The following MED13 variants were observed in gnomAD, a reference collection of about 807,000 sequenced individuals.
MED13 encodes the protein mediator complex subunit 13.
MED13 carries 23 observed loss-of-function variants against 225.2 expected under a neutral mutation model. The observed-to-expected ratio is 0.10, with a 90% CI of 0.07 to 0.14. MED13 has a LOEUF of 0.14. Ranked by LOEUF, MED13 falls within the 10% of genes least tolerant of loss-of-function variation. The pLI is 1.00. For missense variants in MED13, 2,197 were observed against 2,594.5 expected, an observed-to-expected ratio of 0.85 and a Z score of 3.33; for synonymous variants, 942 against 889.2, an observed-to-expected ratio of 1.06 and a Z score of -1.06.
chr17:61,949,163 C>A (rs535149405), intron 28 of MED13, among the ~76,000 whole-genome samples: 2 of 151,724 alleles, frequency 1.3e-5, no homozygotes, highest in South Asian at 2.1e-4. Flanking sequence ...TAATATAATT[C>A]TGTATAGGGC....
intron 3 of MED13, among the ~76,000 whole-genome samples, chr17:62,043,156 CAAAAAAAAAAAAAAAA>C (rs764530614): frequency 2.2e-4 from 7 of 31,664 alleles, no homozygotes; most frequent in Admixed American, 5.9e-4. Flanking sequence ...ACCCTGTCTC[CAAAAAAAAAAAAAAAA>C]AAAAAAAAAA....
intron 27 of MED13, 77 bp from the exon 28 acceptor site, chr17:61,951,075 T>C (rs1440176442): frequency 1.8e-6 from 2 of 1,117,846 alleles, no homozygotes; most frequent in Non-Finnish European, 1.3e-6. Flanking sequence ...GAATGGCTCA[T>C]AGCAATCAGT....
chr17:61,982,073 TAA>T, intron 16 of MED13, 123 bp downstream of exon 16: 1 of 833,130 alleles, frequency 1.2e-6, no homozygotes, highest in Non-Finnish European at 1.8e-6. Flanking sequence ...ACATCATCCA[TAA>T]AGAGTTTTAA....
At chr17:61,981,938 T>C (rs1192266371) in intron 16 of MED13, among the ~76,000 whole-genome samples, 1 of 152,242 alleles carries the variant, frequency 6.6e-6, no homozygotes, top group Non-Finnish European at 1.5e-5. Flanking sequence ...CTAGCAATGT[T>C]ATGCTAATAA....
intron 9 of MED13, among the ~76,000 whole-genome samples, chr17:62,002,245 T>G (rs2080401797): frequency 6.6e-6 from 1 of 152,042 alleles, no homozygotes; most frequent in South Asian, 2.1e-4. Context: ...ATCCCAGCAC[T>G]TTGGGAGGCT....
chr17:62,050,085 G>A (rs2143750669), intron 3 of MED13, among the ~76,000 whole-genome samples: 1 of 152,226 alleles, frequency 6.6e-6, no homozygotes, highest in Non-Finnish European at 1.5e-5. Flanking sequence ...GAAGCCAGGT[G>A]CAGCGGCTCA....
chr17:62,045,801 C>CT (rs1434179649), intron 3 of MED13, among the ~76,000 whole-genome samples: 5 of 152,168 alleles, frequency 3.3e-5, no homozygotes, highest in Admixed American at 2.0e-4. Flanking sequence ...TGTGGTTACT[C>CT]TTACACTTGC....
At chr17:61,955,166 C>G in intron 26 of MED13, 1 of 360,372 alleles carries the variant, frequency 2.8e-6, no homozygotes, top group South Asian at 7.7e-5. Flanking sequence ...GTAGTCAAAC[C>G]TCCTTCTGCC....
chr17:61,957,081 C>G (rs1276356648), intron 23 of MED13, among the ~76,000 whole-genome samples: 1 of 152,160 alleles, frequency 6.6e-6, no homozygotes, highest in Non-Finnish European at 1.5e-5. Context: ...GAGTCTCACT[C>G]TGTCGCCCAG....
In MED13 at chr17:61,982,501, C is replaced by T. The variant is rs1567957835; in HGVS notation, c.3502G>A (p.Ala1168Thr). Residue 1168 changes from alanine to threonine, a missense_variant, in exon 16 of 30, where the codon GCT (alanine) becomes ACT (threonine). Physicochemically the swap from Ala to Thr is moderately conservative, Grantham distance 58. Around this residue, in one of 12 missense-constraint regions of MED13, gnomAD observed 203 missense variants for 209.7 expected, o/e 0.97. Transcript: ENST00000397786. Reference protein sequence around the residue: ...EAEKRFEALRATSAEHVNGGL... With the variant: ...EAEKRFEALRTTSAEHVNGGL... ...CCATTAACATGTTCAGCAGAGGTAG[C>T]CCTGAGAGCTTCAAAACGTTTTTCT... 2.5e-6 allele frequency: 4 copies of T among 1,614,170 alleles called. No homozygotes were observed. The Middle Eastern group carries it at 4.9e-4, about 200-fold the overall frequency.
chr17:62,046,723 G>C (rs2080900677), intron 3 of MED13, among the ~76,000 whole-genome samples: 1 of 152,082 alleles, frequency 6.6e-6, no homozygotes, highest in East Asian at 1.9e-4. Context: ...TGTGGTCCCA[G>C]CTACATGGGA....
rs1013853898 is a variant in MED13, at chr17:61,979,967, T to C, written c.3805+2231A>G. ...ACTTTGGGAGGCCGAGGCAGGTGGA[T>C]TGCCTGAGCTCAGGAGTTCGAGACC... On this transcript the variant is annotated intron_variant, in intron 16 of 29. Coordinates refer to ENST00000397786, the MANE Select transcript of MED13 (RefSeq NM_005121.3). Among the ~76,000 whole-genome samples the C allele has an allele frequency of 1.1e-4, 16 of 152,120 alleles. 1 individual carries two copies. The highest frequency in any genetic ancestry group is 9.8e-4 in the Admixed American group (15 of 15,268).
chr17:62,024,711 G>A (rs2080683678), intron 8 of MED13, among the ~76,000 whole-genome samples: 1 of 152,180 alleles, frequency 6.6e-6, no homozygotes. Context: ...ACTGGACCCA[G>A]TGTCTGTTGT....
At chr17:61,948,569 T>C (rs770854809) in intron 28 of MED13, among the ~76,000 whole-genome samples, 18 of 151,884 alleles carry the variant, frequency 1.2e-4, no homozygotes, top group Admixed American at 7.2e-4. Context: ...AGAGGACAGA[T>C]AGCATGTGTA....
At chr17:61,981,700 C>T (rs2080206337) in intron 16 of MED13, among the ~76,000 whole-genome samples, 2 of 152,288 alleles carry the variant, frequency 1.3e-5, no homozygotes, top group Admixed American at 1.3e-4. Flanking sequence ...TAAAATAGTA[C>T]ATATGTGGTG....
At chr17:62,062,219 T>C (rs1474888346) in intron 2 of MED13, among the ~76,000 whole-genome samples, 4 of 152,226 alleles carry the variant, frequency 2.6e-5, no homozygotes, top group Non-Finnish European at 5.9e-5. Context: ...TGGAACCTTA[T>C]AGCATACAAC....
At chr17:61,949,418 A>C (rs760999177) in intron 28 of MED13, among the ~76,000 whole-genome samples, 17 of 151,968 alleles carry the variant, frequency 1.1e-4, no homozygotes, top group Non-Finnish European at 2.2e-4. Flanking sequence ...AGAGAGACAA[A>C]ATTTCACTAT....
intron 2 of MED13, among the ~76,000 whole-genome samples, chr17:62,057,714 C>G (rs1490670600): frequency 2.6e-5 from 4 of 152,174 alleles, no homozygotes; most frequent in African/African-American, 9.7e-5. Context: ...AGTTTGAGCA[C>G]TATTCATTAT....
At chr17:62,012,671 T>A (rs1171326298) in intron 8 of MED13, among the ~76,000 whole-genome samples, 1 of 152,002 alleles carries the variant, frequency 6.6e-6, no homozygotes, top group Admixed American at 6.6e-5. Flanking sequence ...GTTTACACAT[T>A]CAGTATTCAT....
Sources: allele counts gnomAD v4.1 joint callset (sites outside exome capture counted in the v4.1 genomes callset), GRCh38; gene constraint gnomAD v4.1.1; regional missense constraint gnomAD v4.1.1; transcripts MANE v1.5; gene names NCBI Gene and HGNC (gene_info 2026-07-23, HGNC 2026-07-21).